SCN10A: variants seen among roughly 807,000 people sequenced by gnomAD.
SCN10A encodes sodium channel protein type 10 subunit alpha.
SCN10A carries 162 observed loss-of-function variants against 170.7 expected under a neutral mutation model. The ratio of observed to expected loss-of-function variants is 0.95; its 90% CI spans 0.84 to 1.08. The LOEUF is 1.08. Among genes scored for constraint, SCN10A ranks in the 50% least tolerant of loss-of-function variants. The pLI is 0.00. For synonymous variants in SCN10A, 985 were observed against 904.6 expected (o/e 1.09, Z -1.59); for missense variants, 2,527 against 2,436.9 (o/e 1.04, Z -0.78).
At chr3:38,727,730 A>G (rs2063472467) in intron 16 of SCN10A, among the ~76,000 whole-genome samples, 1 of 152,180 alleles carries the variant, frequency 6.6e-6, no homozygotes, top group Non-Finnish European at 1.5e-5. Context: ...GTTGATGTCC[A>G]GGGCAATAAG....
At position 38,728,699 on chromosome 3, in the gene SCN10A, G is replaced by C; in HGVS notation, c.2483C>G (p.Pro828Arg). The change falls in exon 16 of 28, where the codon CCC becomes CGC. Residue 828 changes from proline to arginine, a missense_variant. Physicochemically the swap from Pro to Arg is moderately radical, Grantham distance 103 (BLOSUM62 -2). Coordinates refer to ENST00000449082, the MANE Select transcript of SCN10A (RefSeq NM_006514.4). ...GAAGAAGTCGTGCATGTGCCAGCGGGGCCAGTCTTCATGGGGCGCGGAGAT... is the reference window on the plus strand; with the variant it reads ...GAAGAAGTCGTGCATGTGCCAGCGGCGCCAGTCTTCATGGGGCGCGGAGAT... ...KNISAPHEDW[P>R]RWHMHDFFHS... 1 of 1,614,138 alleles carries C rather than the reference G, an allele frequency of 6.2e-7. No homozygotes were observed. Among genetic ancestry groups the C allele is most frequent in the African/African-American group, 1.3e-5 (1 of 75,028 alleles).
chr3:38,804,839 C>T (rs189509631), intron 1 of SCN10A, among the ~76,000 whole-genome samples: 15 of 151,914 alleles, frequency 9.9e-5, no homozygotes, highest in East Asian at 3.9e-4. Flanking sequence ...GTTGTGGGGG[C>T]GGAATGGCAC....
chr3:38,753,271 T>A (rs1448084919), intron 11 of SCN10A, among the ~76,000 whole-genome samples: 1 of 152,234 alleles, frequency 6.6e-6, no homozygotes, highest in Non-Finnish European at 1.5e-5. Context: ...AGAATTAGTG[T>A]GCTGGGTTAG....
chr3:38,756,826 C>G lies in SCN10A; in HGVS notation c.1138G>C (p.Val380Leu), dbSNP rs142276689. Residue 380 changes from valine to leucine, a missense_variant, in exon 10 of 28, where the codon GTA becomes CTA. Coordinates refer to ENST00000449082, the MANE Select transcript of SCN10A (RefSeq NM_006514.4). The part of the protein sequence containing the change: ...GKIYMIFFVL[V>L]IFLGSFYLVN... ...AGGTAGAAAGATCCCAGGAAGATTA[C>G]GAGCACAAAAAAGATCATATAGATT... The G allele has an allele frequency of 1.2e-5, 19 of 1,614,120 alleles. No individual in the cohort carries two copies. The Admixed American group carries it at 1.3e-4, about 11-fold the overall frequency.
chr3:38,772,714 A>G (rs561860619), intron 4 of SCN10A, among the ~76,000 whole-genome samples: 3 of 77,214 alleles, frequency 3.9e-5, no homozygotes, highest in African/African-American at 1.7e-4. Context: ...AACAGCAACA[A>G]CAACAACAAC....
In SCN10A at chr3:38,697,297, C is replaced by T; in HGVS notation, c.*52G>A. On this transcript the variant is annotated 3_prime_UTR_variant, in exon 28 of 28. Transcript: ENST00000449082. ...GATCTGCAATGGGAAAGAGTTAACA[C>T]AGAGCAGAAGGACGCATCATAACTG... The T allele has an allele frequency of 2.5e-6, 4 of 1,589,002 alleles. No homozygotes were observed. The highest frequency in any genetic ancestry group is 3.4e-6 in the Non-Finnish European group (4 of 1,166,212).
At chr3:38,769,306 T>G (rs1031148741) in intron 5 of SCN10A, among the ~76,000 whole-genome samples, 1 of 145,692 alleles carries the variant, frequency 6.9e-6, no homozygotes, top group Non-Finnish European at 1.5e-5. Context: ...TGGCGCGATC[T>G]CAGCTCACCG....
At chr3:38,722,872 A>T (rs1054327311) in intron 19 of SCN10A, among the ~76,000 whole-genome samples, 10 of 152,076 alleles carry the variant, frequency 6.6e-5, no homozygotes, top group Admixed American at 2.6e-4. Flanking sequence ...TATTTAAAAA[A>T]TTTTTCTTTG....
intron 5 of SCN10A, among the ~76,000 whole-genome samples, chr3:38,768,107 T>C (rs914873318): frequency 3.9e-5 from 6 of 152,152 alleles, no homozygotes; most frequent in Non-Finnish European, 8.8e-5. Flanking sequence ...TTCCCATCTC[T>C]TTACCTTAAG....
rs1397498242 is a variant in SCN10A, at chr3:38,760,685, A to C, written c.946T>G (p.Ser316Ala). ...TGTCATAAGTTGGGAACTCACCCTG[A>C]GTCAGATCCATTGCCACACAGTAAG... is the stretch of plus-strand genomic sequence containing the variant. ...DPLLCGNGSDSGHCPDGYICL... is the reference protein window; with the variant it reads ...DPLLCGNGSDAGHCPDGYICL... The change falls in exon 8 of 28, where the codon TCA becomes GCA. Residue 316 changes from serine (S) to alanine (A), a missense_variant. By Grantham distance (99) the Ser-to-Ala change is moderately conservative. Coordinates refer to ENST00000449082, the MANE Select transcript of SCN10A (RefSeq NM_006514.4). The C allele has an allele frequency of 6.2e-7, 1 of 1,613,286 alleles. No individual in the cohort carries two copies. The highest frequency in any genetic ancestry group is 1.7e-5 in the Admixed American group (1 of 60,006).
At chr3:38,763,453 G>T in intron 6 of SCN10A, 52 bp downstream of exon 6, 1 of 1,364,768 alleles carries the variant, frequency 7.3e-7, no homozygotes, top group Non-Finnish European at 1.0e-6. Flanking sequence ...GAAAATTAGA[G>T]AAGGGAGTTA....
intron 11 of SCN10A, among the ~76,000 whole-genome samples, chr3:38,755,218 A>C (rs1027028812): frequency 6.6e-6 from 1 of 152,062 alleles, no homozygotes; most frequent in African/African-American, 2.4e-5. Flanking sequence ...TATACCCAAT[A>C]ATTATATAAA....
At chr3:38,751,567 A>C (rs1451967463) in intron 12 of SCN10A, among the ~76,000 whole-genome samples, 2 of 152,230 alleles carry the variant, frequency 1.3e-5, no homozygotes, top group Non-Finnish European at 2.9e-5. Flanking sequence ...AGAGAGGGCA[A>C]ATGAAAAACA....
In SCN10A at chr3:38,697,844, C is replaced by A. The variant is rs1488076050; in HGVS notation, c.5376G>T (p.Leu1792Phe). 2.5e-6 allele frequency: 4 copies of A among 1,614,062 alleles called. No individual in the cohort carries two copies. The highest frequency in any genetic ancestry group is 2.2e-5 in the South Asian group (2 of 91,064). Residue 1792 changes from leucine (L) to phenylalanine (F), a missense_variant, in exon 28 of 28, where the codon TTG becomes TTT. Coordinates refer to ENST00000449082, the MANE Select transcript of SCN10A (RefSeq NM_006514.4). Reference sequence around the variant, plus strand: ...AGCAGTGGATCTTATCTCCAGGGACCAAAGGCAGGTCCATCTGGATCAGTA... The same window carrying A: ...AGCAGTGGATCTTATCTCCAGGGACAAAAGGCAGGTCCATCTGGATCAGTA... The part of the protein sequence containing the change: ...RNILIQMDLP[L>F]VPGDKIHCLD...
Position 38,763,674 on chromosome 3 carries a change from G to T in SCN10A, c.600-78C>A, listed in dbSNP as rs2063901213. 4.8e-6 allele frequency: 5 copies of T among 1,042,090 alleles called. No individual in the cohort carries two copies. In the South Asian group the frequency reaches 6.4e-5, roughly 13 times the overall value. The allele number at this position is 1,042,090 out of a possible 1,614,324, so 64.6% of individuals were successfully genotyped here. A position where few individuals can be genotyped will look rare whatever the true frequency, so the allele number is the denominator to read the frequency against. The stretch of plus-strand genomic sequence containing the variant: ...CATGCAGCATAAATAAGGATAACCT[G>T]GGGTATCATTAGCCTAGAAAGGATG... On this transcript the variant is annotated intron_variant, in intron 5 of 27. Transcript: ENST00000449082.
intron 1 of SCN10A, among the ~76,000 whole-genome samples, chr3:38,801,736 G>T (rs2126064426): frequency 6.6e-6 from 1 of 152,160 alleles, no homozygotes; most frequent in East Asian, 1.9e-4. Flanking sequence ...ATATGATGTG[G>T]ATAAACAGGT....
At chr3:38,754,035 T>C (rs2126025216) in intron 11 of SCN10A, among the ~76,000 whole-genome samples, 1 of 152,330 alleles carries the variant, frequency 6.6e-6, no homozygotes, top group Middle Eastern at 3.4e-3. Flanking sequence ...AGGGAGAGGA[T>C]GCCTTCCTGA....
intron 8 of SCN10A, 23 bp downstream of exon 8, chr3:38,760,657 CT>C (rs2063858821): frequency 6.3e-7 from 1 of 1,597,464 alleles, no homozygotes; most frequent in Non-Finnish European, 8.6e-7. Context: ...GGCACTCGTG[CT>C]TTGTCATAAG....
At chr3:38,760,653 C>G in intron 8 of SCN10A, 28 bp downstream of exon 8, 1 of 1,585,838 alleles carries the variant, frequency 6.3e-7, no homozygotes, top group Non-Finnish European at 8.7e-7. Flanking sequence ...GTTGGGCACT[C>G]GTGCTTTGTC....
Sources: gnomAD v4.1 joint callset for allele counts (sites outside exome capture counted in the v4.1 genomes callset) on GRCh38, gnomAD v4.1.1 for gene constraint, MANE v1.5 for transcripts, NCBI Gene and HGNC (gene_info 2026-07-23, HGNC 2026-07-21) for gene names.